NCKAP1L: variants seen among roughly 807,000 people sequenced by gnomAD.
NCKAP1L encodes the protein NCK associated protein 1 like, also known as nck-associated protein 1-like.
A neutral mutation model predicts 139.2 loss-of-function variants in NCKAP1L; 53 were observed. That is an observed-to-expected ratio of 0.38 (90% CI 0.31 to 0.48). The LOEUF (loss-of-function observed/expected upper bound fraction) is 0.48, where lower values mean the gene tolerates loss of function less well. Among genes scored for constraint, NCKAP1L ranks in the 20% least tolerant of loss-of-function variants. The pLI is 0.98. For synonymous variants in NCKAP1L, 468 were observed against 499.7 expected (o/e 0.94, Z 0.85); for missense variants, 1,151 against 1,381.9 (o/e 0.83, Z 2.65).
At position 54,521,223 on chromosome 12, in the gene NCKAP1L, A is replaced by G. The variant is rs1424775350; in HGVS notation, c.1863A>G (p.Arg621=). ...TCCTGGAGATCTGTGCTGAGCAGCGAAACCTGAGCGAGCAGGTAGACTCAG... is the reference window on the plus strand; with the variant it reads ...TCCTGGAGATCTGTGCTGAGCAGCGGAACCTGAGCGAGCAGGTAGACTCAG... ...NCVLEICAEQ[R]NLSEQLLPKH... Residue 621 remains arginine, a synonymous_variant, in exon 18 of 31, where the codon CGA becomes CGG. Transcript: ENST00000293373. The G allele has an allele frequency of 1.1e-5, 17 of 1,614,070 alleles. No individual in the cohort carries two copies. Among genetic ancestry groups the G allele is most frequent in the Non-Finnish European group, 1.4e-5 (17 of 1,179,972 alleles).
chr12:54,516,627 G>A (rs770394448), intron 10 of NCKAP1L, among the ~76,000 whole-genome samples: 1 of 152,016 alleles, frequency 6.6e-6, no homozygotes, highest in Non-Finnish European at 1.5e-5. Context: ...TGTATTTTTA[G>A]TAGAGACAGG....
intron 18 of NCKAP1L, among the ~76,000 whole-genome samples, chr12:54,521,882 G>A (rs1274944842): frequency 7.3e-6 from 1 of 136,770 alleles, no homozygotes; most frequent in Non-Finnish European, 1.6e-5. Flanking sequence ...AGGGGAGTGT[G>A]TGTATGTGTG....
intron 30 of NCKAP1L, 136 bp from the exon 31 acceptor site, chr12:54,542,439 G>T: frequency 1.5e-6 from 1 of 680,216 alleles, no homozygotes; most frequent in Non-Finnish European, 2.6e-6. Context: ...TGAGGGAAGA[G>T]GGGGGTGTGA....
At position 54,544,314 on chromosome 12, in the gene NCKAP1L, G is replaced by A. The variant is rs1957182532; in HGVS notation, c.*1629G>A. The A allele has an allele frequency of 6.6e-6, 1 of 152,116 alleles. No individual in the cohort carries two copies. Among genetic ancestry groups the A allele is most frequent in the African/African-American group, 2.4e-5 (1 of 41,422 alleles). 9.4% of individuals were successfully genotyped at this position (152,116 alleles called of 1,614,324 possible). A position where few individuals can be genotyped will look rare whatever the true frequency, so the allele number is the denominator to read the frequency against. ...ATGTTTATATTTTTCTGCTTGAGGG[G>A]ATAGAGATCCCTCCTCCATCTGCAT... On this transcript the variant is annotated 3_prime_UTR_variant, in exon 31 of 31. Transcript: ENST00000293373.
In NCKAP1L at chr12:54,499,347, CT is replaced by C; in HGVS notation, c.103-7del. The C allele has an allele frequency of 2.0e-6, 3 of 1,469,206 alleles. No individual in the cohort carries two copies. Among genetic ancestry groups the C allele is most frequent in the Non-Finnish European group, 2.9e-6 (3 of 1,048,324 alleles). The allele number at this position is 1,469,206 out of a possible 1,614,324, so 91.0% of individuals were successfully genotyped here. On this transcript the variant is annotated splice_polypyrimidine_tract_variant and splice_region_variant and intron_variant, in intron 1 of 30. Transcript: ENST00000293373. Reference sequence around the variant, plus strand: ...AAGGGTTGAAATATATATGGTTTCTCTCTGCAGACTTGTTCAGACCCCAAAT... The same window carrying C: ...AAGGGTTGAAATATATATGGTTTCTCCTGCAGACTTGTTCAGACCCCAAAT...
At chr12:54,536,058 C>A in intron 27 of NCKAP1L, 71 bp from the exon 28 acceptor site, 2 of 1,052,284 alleles carry the variant, frequency 1.9e-6, no homozygotes, top group Non-Finnish European at 2.9e-6. Context: ...TGAAGTAGGA[C>A]CCCTGTAACA....
intron 3 of NCKAP1L, among the ~76,000 whole-genome samples, chr12:54,504,658 A>G (rs530055217): frequency 3.5e-4 from 54 of 152,324 alleles, no homozygotes; most frequent in African/African-American, 1.1e-3. Flanking sequence ...CCTGAATTAG[A>G]CAGACTTGGT....
chr12:54,508,612 G>T, intron 5 of NCKAP1L, 81 bp downstream of exon 5: 2 of 1,396,246 alleles, frequency 1.4e-6, no homozygotes, highest in South Asian at 1.3e-5. Flanking sequence ...AAAGGAAATT[G>T]ATGCCATGAT....
intron 20 of NCKAP1L, among the ~76,000 whole-genome samples, 161 bp from the exon 21 acceptor site, chr12:54,526,364 GATA>G (rs1957025805): frequency 6.6e-6 from 1 of 152,130 alleles, no homozygotes; most frequent in African/African-American, 2.4e-5. Flanking sequence ...TAAAAATGAG[GATA>G]ATAACTGTCT....
At chr12:54,514,410 C>A (rs1346400039) in intron 9 of NCKAP1L, among the ~76,000 whole-genome samples, 1 of 151,974 alleles carries the variant, frequency 6.6e-6, no homozygotes, top group Non-Finnish European at 1.5e-5. Flanking sequence ...TAACCTCCAC[C>A]TGCCGGGTTC....
intron 20 of NCKAP1L, among the ~76,000 whole-genome samples, chr12:54,526,004 G>A (rs765779773): frequency 6.6e-6 from 1 of 152,152 alleles, no homozygotes; most frequent in Non-Finnish European, 1.5e-5. Flanking sequence ...TGCCAGCCAC[G>A]CATGATCTCT....
At chr12:54,519,469 A>G (rs1426025058) in intron 16 of NCKAP1L, 137 bp downstream of exon 16, 2 of 638,458 alleles carry the variant, frequency 3.1e-6, no homozygotes, top group Non-Finnish European at 4.4e-6. Context: ...AGATCTCACT[A>G]TGTTGCCCAG....
intron 2 of NCKAP1L, among the ~76,000 whole-genome samples, chr12:54,499,678 G>C (rs1165698863): frequency 6.6e-6 from 1 of 152,148 alleles, no homozygotes; most frequent in Non-Finnish European, 1.5e-5. Flanking sequence ...TCCAGCATAA[G>C]CTGGAGCGAA....
intron 14 of NCKAP1L, 24 bp downstream of exon 14, chr12:54,518,756 G>T: frequency 6.3e-7 from 1 of 1,587,702 alleles, no homozygotes; most frequent in Non-Finnish European, 8.6e-7. Flanking sequence ...GGTGGGGGAG[G>T]CAGGACATAT....
At chr12:54,523,182 G>A (rs1441679848) in intron 18 of NCKAP1L, among the ~76,000 whole-genome samples, 2 of 152,160 alleles carry the variant, frequency 1.3e-5, no homozygotes, top group African/African-American at 4.8e-5. Flanking sequence ...GAGACTTAGA[G>A]CCTGTACACA....
Position 54,509,650 on chromosome 12 carries a change from C to T in NCKAP1L, c.507-19C>T. ...TGGGTAAGGGAGGGCTGTAACCCCT[C>T]TCCTCTGCTTTCTTCTAGTGACCCC... On this transcript the variant is annotated intron_variant, in intron 5 of 30. Coordinates refer to ENST00000293373, the MANE Select transcript of NCKAP1L (RefSeq NM_005337.5). 1.3e-6 allele frequency: 2 copies of T among 1,577,352 alleles called. No individual in the cohort carries two copies. Among genetic ancestry groups the T allele is most frequent in the Non-Finnish European group, 1.7e-6 (2 of 1,146,624 alleles).
intron 3 of NCKAP1L, chr12:54,501,079 C>G (rs1296622127): frequency 6.5e-6 from 1 of 152,820 alleles, no homozygotes; most frequent in Non-Finnish European, 1.5e-5. Flanking sequence ...CCTTGTAAAC[C>G]TGAAACTCTC....
chr12:54,497,852 C>A lies in NCKAP1L; in HGVS notation c.63C>A (p.Arg21=). ...LAEKLTILND[R]GQGVLIRMYN... is the part of the protein sequence containing the mutation. ...AGAAGCTCACTATCCTGAATGATCG[C>A]GGTCAGGGGGTTCTCATCCGTATGT... is the stretch of plus-strand genomic sequence containing the variant. The change falls in exon 1 of 31, where the codon CGC becomes CGA. Residue 21 remains arginine (R), a synonymous_variant. Coordinates refer to ENST00000293373, the MANE Select transcript of NCKAP1L (RefSeq NM_005337.5). 3.1e-6 allele frequency: 5 copies of A among 1,613,418 alleles called. No individual in the cohort carries two copies. The highest frequency in any genetic ancestry group is 2.2e-5 in the South Asian group (2 of 91,072).
chr12:54,520,116 A>G (rs897647272), intron 16 of NCKAP1L, among the ~76,000 whole-genome samples: 5 of 152,352 alleles, frequency 3.3e-5, no homozygotes, highest in African/African-American at 9.6e-5. Flanking sequence ...CATTCATTCA[A>G]CAAAACACAA....
Sources: allele counts gnomAD v4.1 joint callset (sites outside exome capture counted in the v4.1 genomes callset), GRCh38; gene constraint gnomAD v4.1.1; transcripts MANE v1.5; gene names NCBI Gene and HGNC (gene_info 2026-07-23, HGNC 2026-07-21).